Variants in TBC1D14 observed in about 807,000 individuals in gnomAD.
The protein encoded by TBC1D14 is TBC1 domain family member 14, also known as TBC1 domain family, member 14.
A neutral mutation model predicts 79.0 loss-of-function variants in TBC1D14; 26 were observed. The observed-to-expected ratio is 0.33, with a 90% CI of 0.24 to 0.46. TBC1D14 has a LOEUF of 0.46. Ranked by LOEUF, TBC1D14 falls within the 20% of genes least tolerant of loss-of-function variation. The pLI is 1.00. For missense variants in TBC1D14, 769 were observed against 887.6 expected (o/e 0.87, Z 1.70); for synonymous variants, 394 against 349.9 (o/e 1.13, Z -1.40).
chr4:6,920,434 C>G (rs2108913702), intron 1 of TBC1D14, among the ~76,000 whole-genome samples: 1 of 152,270 alleles, frequency 6.6e-6, no homozygotes, highest in Non-Finnish European at 1.5e-5. Context: ...GCCACTGCAC[C>G]TGGCTCCCCT....
chr4:7,022,826 A>C (rs1032970572), intron 12 of TBC1D14, among the ~76,000 whole-genome samples: 1 of 151,784 alleles, frequency 6.6e-6, no homozygotes, highest in Non-Finnish European at 1.5e-5. Context: ...TAAGAATATT[A>C]TGTTAAATAA....
chr4:6,940,617 G>A (rs901365824), intron 2 of TBC1D14, among the ~76,000 whole-genome samples: 9 of 152,096 alleles, frequency 5.9e-5, no homozygotes, highest in Non-Finnish European at 1.2e-4. Context: ...TGACGGGGGT[G>A]GGGGAGGAGC....
intron 2 of TBC1D14, among the ~76,000 whole-genome samples, chr4:6,955,977 T>C (rs950064455): frequency 1.3e-5 from 2 of 152,146 alleles, no homozygotes; most frequent in Non-Finnish European, 2.9e-5. Context: ...ATGTAATCTT[T>C]ATAAAAATTA....
chr4:6,921,766 G>A lies in TBC1D14; in HGVS notation c.-17-1607G>A, dbSNP rs1451327242. On this transcript the variant is annotated intron_variant, in intron 1 of 13. Coordinates refer to ENST00000409757, the MANE Select transcript of TBC1D14 (RefSeq NM_020773.3). ...GGCTGGAGTGCAGTGGCATGATCTC[G>A]GCTCACTGCAACCTCCACCTCCTGG... Among the ~76,000 whole-genome samples the A allele has an allele frequency of 3.4e-5, 5 of 148,940 alleles. No individual in the cohort carries two copies. In the East Asian group the frequency reaches 7.9e-4, roughly 24 times the overall value.
rs1724008473 is a variant in TBC1D14, at chr4:6,923,262, T to C, written c.-17-111T>C. 4 of 1,302,622 alleles carry C rather than the reference T, an allele frequency of 3.1e-6. No individual in the cohort carries two copies. The South Asian group carries it at 4.7e-5, about 15-fold the overall frequency. The allele number at this position is 1,302,622 out of a possible 1,614,324, so 80.7% of individuals were successfully genotyped here. ...ATCAAAACTTGGGTATGTGGAACCT[T>C]TTCAAGGCTTTCTCCCTTAAGTGAG... On this transcript the variant is annotated intron_variant, in intron 1 of 13. Transcript: ENST00000409757.
intron 3 of TBC1D14, among the ~76,000 whole-genome samples, chr4:6,974,152 T>C (rs1716502264): frequency 1.3e-5 from 2 of 152,154 alleles, no homozygotes; most frequent in Admixed American, 6.6e-5. Context: ...AGGCCTAGTT[T>C]TATTTTTTAC....
rs190820723 is a variant in TBC1D14 at position 7,032,989 on chromosome 4, A to G, written c.*2597A>G. 3 of 152,810 alleles carry G rather than the reference A, an allele frequency of 2.0e-5. No homozygotes were observed. Among genetic ancestry groups the G allele is most frequent in the Non-Finnish European group, 4.4e-5 (3 of 68,044 alleles). 9.5% of individuals were successfully genotyped at this position (152,810 alleles called of 1,614,324 possible). ...CTGAAAACTCCTGATAACACTTGCT[A>G]CATATCATGTTTTAATTGCTTGTAC... On this transcript the variant is annotated 3_prime_UTR_variant, in exon 14 of 14. Coordinates refer to ENST00000409757, the MANE Select transcript of TBC1D14 (RefSeq NM_020773.3).
At chr4:7,016,464 G>A (rs1721288025) in intron 12 of TBC1D14, among the ~76,000 whole-genome samples, 2 of 152,358 alleles carry the variant, frequency 1.3e-5, no homozygotes, top group South Asian at 4.1e-4. Flanking sequence ...CGGTGCTGGA[G>A]GACGGGAGGG....
At chr4:6,988,163 T>TC (rs1033454413) in intron 3 of TBC1D14, among the ~76,000 whole-genome samples, 3 of 152,142 alleles carry the variant, frequency 2.0e-5, no homozygotes, top group East Asian at 1.9e-4. Flanking sequence ...TAAACTGGGC[T>TC]CCCCCCTCCA....
chr4:6,982,942 A>C (rs534676419), intron 3 of TBC1D14, among the ~76,000 whole-genome samples: 1 of 152,208 alleles, frequency 6.6e-6, no homozygotes, highest in Non-Finnish European at 1.5e-5. Context: ...AACTGGGTAC[A>C]TGGGAGATAG....
At chr4:6,953,160 G>A (rs1714221431) in intron 2 of TBC1D14, among the ~76,000 whole-genome samples, 1 of 150,444 alleles carries the variant, frequency 6.6e-6, no homozygotes, top group African/African-American at 2.4e-5. Flanking sequence ...GAGTAGCTGG[G>A]ATTACAGGCA....
intron 12 of TBC1D14, 40 bp downstream of exon 12, chr4:7,014,597 A>C (rs202116572): frequency 1.4e-6 from 2 of 1,400,456 alleles, no homozygotes; most frequent in South Asian, 2.3e-5. Flanking sequence ...AGCATTTCTC[A>C]GCCCTTGTCT....
chr4:6,961,626 A>G (rs1267236436), intron 2 of TBC1D14, among the ~76,000 whole-genome samples: 1 of 152,132 alleles, frequency 6.6e-6, no homozygotes, highest in Non-Finnish European at 1.5e-5. Context: ...CCACGACGCC[A>G]TTGCCACAAA....
chr4:7,009,746 A>G, intron 9 of TBC1D14, 131 bp from the exon 10 acceptor site: 4 of 915,342 alleles, frequency 4.4e-6, no homozygotes, highest in Non-Finnish European at 7.1e-6. Context: ...AGCTGCTGGC[A>G]TCATGCTTGG....
At chr4:6,977,048 TCCTCTCCCTCTCCCTCCTCTCCCTCTC>T (rs1716779789) in intron 3 of TBC1D14, among the ~76,000 whole-genome samples, 4 of 74,950 alleles carry the variant, frequency 5.3e-5, no homozygotes, top group Admixed American at 3.1e-4. Context: ...TCCCTCTCCC[TCCTCTCCCTCTCCCTCCTCTCCCTCTC>T]CCTCTCCCTC....
intron 3 of TBC1D14, among the ~76,000 whole-genome samples, chr4:6,980,398 C>T (rs1288374491): frequency 6.6e-6 from 1 of 152,030 alleles, no homozygotes; most frequent in Admixed American, 6.6e-5. Context: ...TAGAGGGAAA[C>T]GTATAGCATT....
At chr4:7,029,176 G>A (rs2108760014) in intron 13 of TBC1D14, among the ~76,000 whole-genome samples, 1 of 152,310 alleles carries the variant, frequency 6.6e-6, no homozygotes, top group East Asian at 1.9e-4. Context: ...TTTATGTTGA[G>A]CCAGCAACCC....
At chr4:7,010,889 AAG>A in intron 11 of TBC1D14, 108 bp downstream of exon 11, 2 of 1,358,750 alleles carry the variant, frequency 1.5e-6, no homozygotes, top group Middle Eastern at 3.8e-4. Flanking sequence ...TCTCTCTGTG[AAG>A]AGATGTTTAG....
chr4:6,977,579 C>T (rs1393472582), intron 3 of TBC1D14, among the ~76,000 whole-genome samples: 1 of 150,204 alleles, frequency 6.7e-6, no homozygotes, highest in Non-Finnish European at 1.5e-5. Flanking sequence ...TGCCTGGCCG[C>T]CCATCGTCTG....
Sources: allele counts gnomAD v4.1 joint callset (sites outside exome capture counted in the v4.1 genomes callset), GRCh38; gene constraint gnomAD v4.1.1; transcripts MANE v1.5; gene names NCBI Gene and HGNC (gene_info 2026-07-23, HGNC 2026-07-21).